IGFBP7: variants seen among roughly 807,000 people sequenced by gnomAD.
IGFBP7 encodes insulin-like growth factor-binding protein 7.
A neutral mutation model predicts 29.4 loss-of-function variants in IGFBP7; 31 were observed. The ratio of observed to expected loss-of-function variants is 1.05; its 90% CI spans 0.79 to 1.42. The LOEUF (loss-of-function observed/expected upper bound fraction) is 1.42, where lower values mean the gene tolerates loss of function less well. IGFBP7 is among the 40% of genes most tolerant of loss of function. The pLI, the probability that IGFBP7 is intolerant of heterozygous loss-of-function variation, is 0.00. For synonymous variants in IGFBP7, 172 were observed against 174.9 expected (o/e 0.98, Z 0.13); for missense variants, 393 against 395.5 (o/e 0.99, Z 0.05).
chr4:57,083,340 C>CT (rs1725418366), intron 1 of IGFBP7, among the ~76,000 whole-genome samples: 2 of 152,152 alleles, frequency 1.3e-5, no homozygotes, highest in Non-Finnish European at 2.9e-5. Flanking sequence ...AAAAATTTGG[C>CT]TAAGCTGAAC....
At chr4:57,075,547 C>T (rs1338795710) in intron 1 of IGFBP7, among the ~76,000 whole-genome samples, 1 of 152,008 alleles carries the variant, frequency 6.6e-6, no homozygotes, top group East Asian at 1.9e-4. Flanking sequence ...TGTCAGATGT[C>T]TCATTGCCAA....
At chr4:57,073,605 A>C (rs983927798) in intron 1 of IGFBP7, among the ~76,000 whole-genome samples, 26 of 132,530 alleles carry the variant, frequency 2.0e-4, no homozygotes, top group African/African-American at 7.2e-4. Flanking sequence ...AAAAAAAAAA[A>C]ATTAAATAAA....
chr4:57,079,102 T>C (rs1725299653), intron 1 of IGFBP7, among the ~76,000 whole-genome samples: 3 of 152,218 alleles, frequency 2.0e-5, no homozygotes, highest in Admixed American at 6.5e-5. Context: ...GAGGATCATT[T>C]ATTCCATCTA....
chr4:57,081,478 T>C (rs1191944269), intron 1 of IGFBP7, among the ~76,000 whole-genome samples: 2 of 152,146 alleles, frequency 1.3e-5, no homozygotes, highest in East Asian at 1.9e-4. Context: ...AGAAGTTGTC[T>C]GGACTTGTAA....
In IGFBP7 at chr4:57,082,846, A is replaced by G. The variant is rs555537362; in HGVS notation, c.475+27031T>C. Among the ~76,000 whole-genome samples, 20 of 152,210 alleles carry G rather than the reference A, an allele frequency of 1.3e-4. No homozygotes were observed. The South Asian group carries it at 1.9e-3, about 14-fold the overall frequency. ...TTATTTTAAGACACAGGGTTTGTCTATGTTGCCTAGGCTTATCTTGAACTC... is the reference window on the plus strand; with the variant it reads ...TTATTTTAAGACACAGGGTTTGTCTGTGTTGCCTAGGCTTATCTTGAACTC... On this transcript the variant is annotated intron_variant, in intron 1 of 4. Transcript: ENST00000295666.
At position 57,045,795 on chromosome 4, in the gene IGFBP7, G is replaced by A. The variant is rs374858567; in HGVS notation, c.476-4862C>T. Among the ~76,000 whole-genome samples the A allele has an allele frequency of 6.0e-5, 9 of 150,384 alleles. No individual in the cohort carries two copies. In the South Asian group the frequency reaches 8.5e-4, roughly 14 times the overall value. On this transcript the variant is annotated intron_variant, in intron 1 of 4. Transcript: ENST00000295666. ...GCCCAGGGTGCAATGGTGTGATCTC[G>A]GCTCACTGCAACCTCTGCCTCGTGG...
rs1159324405 is a variant in IGFBP7 at position 57,032,567 on chromosome 4, A to AT, written c.703-16_703-15insA. 6.3e-7 allele frequency: 1 copy of AT among 1,590,784 alleles called. No individual in the cohort carries two copies. Among genetic ancestry groups the AT allele is most frequent in the Admixed American group, 1.7e-5 (1 of 59,970 alleles). ...AGAGGAGATACCTGTGAAAGAAAAAAGATCTAGTATTCCTCTGTGGTGGTC... is the reference window on the plus strand; with the variant it reads ...AGAGGAGATACCTGTGAAAGAAAAAATGATCTAGTATTCCTCTGTGGTGGTC... On this transcript the variant is annotated splice_polypyrimidine_tract_variant and intron_variant, in intron 3 of 4. Transcript: ENST00000295666.
At chr4:57,104,044 T>C (rs1210735386) in intron 1 of IGFBP7, among the ~76,000 whole-genome samples, 2 of 152,092 alleles carry the variant, frequency 1.3e-5, no homozygotes, top group African/African-American at 4.8e-5. Flanking sequence ...GCTGTTCTAT[T>C]TTCTGCTTCT....
At chr4:57,087,540 A>G (rs1197759659) in intron 1 of IGFBP7, among the ~76,000 whole-genome samples, 4 of 152,242 alleles carry the variant, frequency 2.6e-5, no homozygotes, top group Non-Finnish European at 5.9e-5. Flanking sequence ...ACTTGCTGAT[A>G]GTGATTTGAA....
chr4:57,088,936 G>A (rs1725567217), intron 1 of IGFBP7, among the ~76,000 whole-genome samples: 1 of 150,344 alleles, frequency 6.7e-6, no homozygotes, highest in Non-Finnish European at 1.5e-5. Flanking sequence ...GGAGGCTGAA[G>A]CAGGAGAATC....
At position 57,051,916 on chromosome 4, in the gene IGFBP7, G is replaced by A. The variant is rs115611072; in HGVS notation, c.476-10983C>T. On this transcript the variant is annotated intron_variant, in intron 1 of 4. Transcript: ENST00000295666. ...TTCATCAAGGAAGGTGAAAGACAGG[G>A]ACCTGCCTGAGGAGAGGCAGGAAAA... is the stretch of plus-strand genomic sequence containing the variant. 6.0e-3 allele frequency among the ~76,000 whole-genome samples: 914 copies of A among 152,280 alleles called. 11 individuals are homozygous for A. The highest frequency in any genetic ancestry group is 0.021 in the African/African-American group (867 of 41,546).
rs1227098952 is a variant in IGFBP7, at chr4:57,040,758, C to T, written c.585+66G>A. ...AGCAGGCTGAGGATTTAACGTTTTA[C>T]CATCCTTGTGCAGTGCAAGAGAAGC... On this transcript the variant is annotated intron_variant, in intron 2 of 4. Coordinates refer to ENST00000295666, the MANE Select transcript of IGFBP7 (RefSeq NM_001553.3). 4 of 1,143,064 alleles carry T rather than the reference C, an allele frequency of 3.5e-6. No individual in the cohort carries two copies. The East Asian group carries it at 9.4e-5, about 27-fold the overall frequency. The allele number at this position is 1,143,064 out of a possible 1,614,324, so 70.8% of individuals were successfully genotyped here.
intron 1 of IGFBP7, among the ~76,000 whole-genome samples, chr4:57,070,061 G>A (rs3849657): frequency 0.16 from 24,119 of 152,138 alleles, 1,974 homozygotes; most frequent in South Asian, 0.17. Flanking sequence ...AGCCTGGGTG[G>A]CAAAGTGAGA....
At chr4:57,054,264 A>G (rs1300682745) in intron 1 of IGFBP7, among the ~76,000 whole-genome samples, 1 of 151,914 alleles carries the variant, frequency 6.6e-6, no homozygotes, top group Non-Finnish European at 1.5e-5. Context: ...AGGGAGGCTC[A>G]CCCATCTTTA....
chr4:57,069,214 C>T, intron 1 of IGFBP7, among the ~76,000 whole-genome samples: 1 of 152,132 alleles, frequency 6.6e-6, no homozygotes, highest in East Asian at 1.9e-4. Flanking sequence ...AGTAAAGAAA[C>T]TCAACTTAGT....
intron 1 of IGFBP7, among the ~76,000 whole-genome samples, chr4:57,053,019 C>CTTTTT (rs60116761): frequency 0.017 from 2,396 of 141,058 alleles, 96 homozygotes; most frequent in African/African-American, 0.058. Flanking sequence ...TCTTTTCTAT[C>CTTTTT]TTTTTTTTTT....
chr4:57,109,771 A>T (rs1448324433), intron 1 of IGFBP7, 106 bp downstream of exon 1: 1 of 1,313,082 alleles, frequency 7.6e-7, no homozygotes, highest in Non-Finnish European at 1.0e-6. Flanking sequence ...CCCGCGGGGG[A>T]ATCGCAGTGA....
intron 1 of IGFBP7, among the ~76,000 whole-genome samples, chr4:57,068,766 G>A (rs956270681): frequency 2.6e-4 from 39 of 152,210 alleles, no homozygotes; most frequent in African/African-American, 8.7e-4. Context: ...AAAGGAAACC[G>A]GATATACAAG....
chr4:57,106,624 G>C (rs1726037285), intron 1 of IGFBP7, among the ~76,000 whole-genome samples: 1 of 152,136 alleles, frequency 6.6e-6, no homozygotes, highest in Non-Finnish European at 1.5e-5. Context: ...ACTAATAAGG[G>C]AGACCCTTAA....
Sources: gnomAD v4.1 joint callset for allele counts (sites outside exome capture counted in the v4.1 genomes callset) on GRCh38, gnomAD v4.1.1 for gene constraint, MANE v1.5 for transcripts, NCBI Gene and HGNC (gene_info 2026-07-23, HGNC 2026-07-21) for gene names.